CDH23: variants seen among roughly 807,000 people sequenced by gnomAD.
CDH23 encodes the protein cadherin related 23, also known as cadherin-23.
CDH23 carries 189 observed loss-of-function variants against 317.1 expected under a neutral mutation model. That is an observed-to-expected ratio of 0.60 (90% CI 0.53 to 0.67). The LOEUF is 0.67. Among genes scored for constraint, CDH23 ranks in the 30% least tolerant of loss-of-function variants. The pLI, the probability that CDH23 is intolerant of heterozygous loss-of-function variation, is 0.00. For missense variants in CDH23, 4,401 were observed against 4,592.4 expected (o/e 0.96, Z 1.20); for synonymous variants, 1,839 against 1,876.8 (o/e 0.98, Z 0.52).
intron 9 of CDH23, among the ~76,000 whole-genome samples, chr10:71,592,430 G>C (rs1859555610): frequency 6.6e-6 from 1 of 152,190 alleles, no homozygotes. Context: ...GGCTTATGGG[G>C]TTAAAATCAA....
At chr10:71,617,112 C>T in intron 10 of CDH23, 93 bp from the exon 11 acceptor site, 22 of 1,479,208 alleles carry the variant, frequency 1.5e-5, no homozygotes, top group Non-Finnish European at 1.9e-5. Flanking sequence ...CACATTGAGG[C>T]ACAGTGGCTG....
At chr10:71,780,000 C>G (rs1840911636) in intron 41 of CDH23, among the ~76,000 whole-genome samples, 1 of 152,204 alleles carries the variant, frequency 6.6e-6, no homozygotes, top group Admixed American at 6.5e-5. Flanking sequence ...AGGCAAGGAG[C>G]CTTCGTGGGA....
At chr10:71,483,876 T>C (rs1852201245) in intron 3 of CDH23, among the ~76,000 whole-genome samples, 1 of 151,986 alleles carries the variant, frequency 6.6e-6, no homozygotes, top group African/African-American at 2.4e-5. Context: ...CCCACACACA[T>C]GTTCACTCTC....
rs114400175 is a variant in CDH23, at chr10:71,490,435, A to T, written c.146-19647A>T. On this transcript the variant is annotated intron_variant, in intron 3 of 69. Coordinates refer to ENST00000224721, the MANE Select transcript of CDH23 (RefSeq NM_022124.6). ...TGTGTCTGGCACACATACTGAAGCC[A>T]CATGGTAGGTCCTCCGTAAACGTTA... 8.3e-4 allele frequency among the ~76,000 whole-genome samples: 126 copies of T among 152,334 alleles called. 1 individual carries two copies. The highest frequency in any genetic ancestry group is 2.9e-3 in the African/African-American group (122 of 41,568).
chr10:71,595,574 T>TC (rs1342847332), intron 9 of CDH23, among the ~76,000 whole-genome samples: 18 of 152,068 alleles, frequency 1.2e-4, no homozygotes, highest in Admixed American at 7.2e-4. Flanking sequence ...ATTCTTTCCT[T>TC]CCCCCCATGG....
chr10:71,521,077 G>A (rs1370673260), intron 6 of CDH23, among the ~76,000 whole-genome samples: 1 of 151,976 alleles, frequency 6.6e-6, no homozygotes, highest in African/African-American at 2.4e-5. Flanking sequence ...TTAAGTGGAA[G>A]CCACCTGTCC....
Position 71,752,569 on chromosome 10 carries a change from C to G in CDH23, c.4845+10648C>G, listed in dbSNP as rs112171630. Among the ~76,000 whole-genome samples, 200 of 152,324 alleles carry G rather than the reference C, an allele frequency of 1.3e-3. 1 individual carries two copies. The highest frequency in any genetic ancestry group is 4.6e-3 in the African/African-American group (192 of 41,576). ...CACTCTGGGACCCCTCAGCCTCTGCCCTTGTGGCCTGCAGCGGCCTAACAG... is the reference window on the plus strand; with the variant it reads ...CACTCTGGGACCCCTCAGCCTCTGCGCTTGTGGCCTGCAGCGGCCTAACAG... On this transcript the variant is annotated intron_variant, in intron 38 of 69. Transcript: ENST00000224721.
chr10:71,496,328 G>A (rs1405407412), intron 3 of CDH23, among the ~76,000 whole-genome samples: 1 of 121,528 alleles, frequency 8.2e-6, no homozygotes, highest in East Asian at 2.5e-4. Context: ...TGGCAACAAA[G>A]CAAAACATTT....
At chr10:71,710,743 A>G (rs1241924361) in intron 27 of CDH23, among the ~76,000 whole-genome samples, 1 of 152,232 alleles carries the variant, frequency 6.6e-6, no homozygotes, top group African/African-American at 2.4e-5. Flanking sequence ...CTTCAGGCAG[A>G]GGCACCAGCC....
At chr10:71,785,217 C>T in intron 43 of CDH23, 117 bp downstream of exon 43, 2 of 786,444 alleles carry the variant, frequency 2.5e-6, no homozygotes, top group Non-Finnish European at 4.1e-6. Flanking sequence ...CGTTCCTGCA[C>T]TGGGATGAGG....
At chr10:71,493,150 C>T (rs1487536753) in intron 3 of CDH23, among the ~76,000 whole-genome samples, 3 of 152,104 alleles carry the variant, frequency 2.0e-5, no homozygotes, top group Non-Finnish European at 4.4e-5. Flanking sequence ...ATCCCAGAAT[C>T]GGTGGCCAGG....
rs189602821 is a variant in CDH23, at chr10:71,698,648, C to T, written c.2397+3123C>T. Among the ~76,000 whole-genome samples, 53 of 152,298 alleles carry T rather than the reference C, an allele frequency of 3.5e-4. No individual in the cohort carries two copies. The East Asian group carries it at 7.5e-3, about 22-fold the overall frequency. ...AGCCCTTTCCTCCCTGACCCCTGCT[C>T]TTTTCATAGGTAGCTCATTCTGTTT... On this transcript the variant is annotated intron_variant, in intron 22 of 69. Transcript: ENST00000224721.
chr10:71,571,758 GA>G (rs1857828103), intron 8 of CDH23, among the ~76,000 whole-genome samples: 1 of 152,244 alleles, frequency 6.6e-6, no homozygotes, highest in Non-Finnish European at 1.5e-5. Context: ...TTTGGGGAAA[GA>G]AAAATGAGCC....
intron 11 of CDH23, among the ~76,000 whole-genome samples, chr10:71,641,369 G>A (rs1207095407): frequency 6.6e-6 from 1 of 152,144 alleles, no homozygotes; most frequent in Non-Finnish European, 1.5e-5. Context: ...TGGCTGCAAG[G>A]CCACCTCCCT....
intron 6 of CDH23, among the ~76,000 whole-genome samples, chr10:71,559,890 A>G (rs1308904616): frequency 6.6e-6 from 1 of 152,258 alleles, no homozygotes; most frequent in Non-Finnish European, 1.5e-5. Context: ...GAGTATGGGT[A>G]CACATGGGTT....
rs80178354 is a variant in CDH23, at chr10:71,487,775, G to A, written c.146-22307G>A. Among the ~76,000 whole-genome samples, 469 of 152,250 alleles carry A rather than the reference G, an allele frequency of 3.1e-3. 2 individuals carry two copies. Among genetic ancestry groups the A allele is most frequent in the African/African-American group, 0.011 (447 of 41,554 alleles). ...GTCTTGCCCACCATGGGAACCCCAT[G>A]CCTAGACACCCTGGTGAGCCTTGGA... On this transcript the variant is annotated intron_variant, in intron 3 of 69. Transcript: ENST00000224721.
Position 71,751,198 on chromosome 10 carries a change from C to T in CDH23, c.4845+9277C>T, listed in dbSNP as rs1839988294. 4 of 1,575,782 alleles carry T rather than the reference C, an allele frequency of 2.5e-6. No individual in the cohort carries two copies. Among genetic ancestry groups the T allele is most frequent in the Admixed American group, 1.8e-5 (1 of 56,072 alleles). On this transcript the variant is annotated intron_variant, in intron 38 of 69. Transcript: ENST00000224721. The surrounding 1 kb of genome is among the most constrained non-coding windows in gnomAD (Gnocchi z 4.9). ...AGGCCACTCACAGAGCCAGCCCTGGCTCAAATGCACCTGCCCCAGACCCAG... is the reference window on the plus strand; with the variant it reads ...AGGCCACTCACAGAGCCAGCCCTGGTTCAAATGCACCTGCCCCAGACCCAG...
At chr10:71,418,380 GT>G (rs1166736348) in intron 1 of CDH23, among the ~76,000 whole-genome samples, 1 of 152,160 alleles carries the variant, frequency 6.6e-6, no homozygotes, top group Non-Finnish European at 1.5e-5. Context: ...GATTCGGTTA[GT>G]CATTGTAATG....
chr10:71,497,417 GC>G (rs1853035906), intron 3 of CDH23, among the ~76,000 whole-genome samples: 2 of 152,114 alleles, frequency 1.3e-5, no homozygotes, highest in African/African-American at 4.8e-5. Flanking sequence ...CCTGGGAGCT[GC>G]CGCAAGGATT....
Sources: gnomAD v4.1 joint callset for allele counts (sites outside exome capture counted in the v4.1 genomes callset) on GRCh38, gnomAD v4.1.1 for gene constraint, Gnocchi (gnomAD v3.1) non-coding constraint, MANE v1.5 for transcripts, NCBI Gene and HGNC (gene_info 2026-07-23, HGNC 2026-07-21) for gene names.